The following ESYT2 variants were observed in gnomAD, a reference collection of about 807,000 sequenced individuals.
ESYT2 encodes the protein extended synaptotagmin 2.
Under a neutral mutation model 107.2 loss-of-function variants are expected in ESYT2, and 54 were observed. That is an observed-to-expected ratio of 0.50 (90% CI 0.40 to 0.63). The LOEUF (loss-of-function observed/expected upper bound fraction) is 0.63, where lower values mean the gene tolerates loss of function less well. ESYT2 is among the 30% of genes least tolerant of loss of function. ESYT2 has a pLI of 0.00. For missense variants in ESYT2, 1,020 were observed against 1,094.5 expected, an observed-to-expected ratio of 0.93 and a Z score of 0.96; for synonymous variants, 491 against 434.1, an observed-to-expected ratio of 1.13 and a Z score of -1.63.
chr7:158,757,877 T>G (rs1837823416), intron 13 of ESYT2, among the ~76,000 whole-genome samples: 1 of 152,210 alleles, frequency 6.6e-6, no homozygotes, highest in African/African-American at 2.4e-5. Flanking sequence ...CTGATACTAT[T>G]CTCTCTACCC....
At chr7:158,803,627 G>A (rs1839709932) in intron 1 of ESYT2, among the ~76,000 whole-genome samples, 2 of 152,340 alleles carry the variant, frequency 1.3e-5, no homozygotes, top group African/African-American at 2.4e-5. Context: ...AAGACTTGCA[G>A]AAAGTTAAAA....
intron 3 of ESYT2, among the ~76,000 whole-genome samples, chr7:158,794,465 G>A (rs138737903): frequency 2.0e-4 from 30 of 152,328 alleles, no homozygotes; most frequent in African/African-American, 7.0e-4. Flanking sequence ...CTGCACTCCT[G>A]ACTAGGCAAC....
chr7:158,768,871 T>G (rs1008558758), intron 7 of ESYT2, among the ~76,000 whole-genome samples: 1 of 152,214 alleles, frequency 6.6e-6, no homozygotes. Context: ...CATCTCTATT[T>G]AAACAAACAA....
In ESYT2 at chr7:158,734,233, C is replaced by T; in HGVS notation, c.2575G>A (p.Gly859Arg). The T allele has an allele frequency of 1.2e-6, 2 of 1,614,158 alleles. No individual in the cohort carries two copies. Among genetic ancestry groups the T allele is most frequent in the Non-Finnish European group, 1.7e-6 (2 of 1,180,036 alleles). Residue 859 changes from glycine to arginine, a missense_variant, in exon 23 of 23, where the codon GGG (glycine) becomes AGG (arginine). Gly to Arg is a moderately radical substitution (Grantham distance 125). Transcript: ENST00000275418. ...WTQWYDLTED[G>R]TRPQAMT Reference sequence around the variant, plus strand: ...TATGTCATCGCCTGAGGCCTCGTCCCATCTTCCGTGAGGTCATACCTGAGA... The same window carrying T: ...TATGTCATCGCCTGAGGCCTCGTCCTATCTTCCGTGAGGTCATACCTGAGA...
chr7:158,781,658 TG>T (rs1838821892), intron 6 of ESYT2, among the ~76,000 whole-genome samples: 2 of 146,772 alleles, frequency 1.4e-5, no homozygotes, highest in African/African-American at 5.1e-5. Context: ...AAAGAACAAG[TG>T]AGAACAAGTG....
At chr7:158,735,830 T>C (rs112224261) in intron 20 of ESYT2, among the ~76,000 whole-genome samples, 3,229 of 152,230 alleles carry the variant, frequency 0.021, 98 homozygotes, top group African/African-American at 0.069. Context: ...TGGCATCCCA[T>C]AGATGTCTGG....
At chr7:158,742,377 G>A (rs535416016) in intron 17 of ESYT2, among the ~76,000 whole-genome samples, 1 of 152,304 alleles carries the variant, frequency 6.6e-6, no homozygotes, top group Non-Finnish European at 1.5e-5. Flanking sequence ...CTCAGGCAAG[G>A]AGCCCCCCAT....
chr7:158,818,939 C>T (rs1840217705), intron 1 of ESYT2, among the ~76,000 whole-genome samples: 1 of 152,244 alleles, frequency 6.6e-6, no homozygotes, highest in Admixed American at 6.5e-5. Context: ...CTCGCACGGG[C>T]CCTGGCCACA....
chr7:158,784,112 C>T (rs1027928772), intron 6 of ESYT2, among the ~76,000 whole-genome samples: 2 of 152,178 alleles, frequency 1.3e-5, no homozygotes, highest in African/African-American at 4.8e-5. Context: ...CAGGATGGAC[C>T]AGGACAACAG....
chr7:158,781,508 T>G (rs1737417372), intron 6 of ESYT2, among the ~76,000 whole-genome samples: 1 of 149,996 alleles, frequency 6.7e-6, no homozygotes, highest in South Asian at 2.1e-4. Context: ...AGTGAACGTG[T>G]GAGAACAAAG....
intron 6 of ESYT2, among the ~76,000 whole-genome samples, chr7:158,774,057 A>T (rs1177107743): frequency 6.6e-6 from 1 of 152,230 alleles, no homozygotes; most frequent in Non-Finnish European, 1.5e-5. Flanking sequence ...CATTAAGTAG[A>T]TGTGGGTTGA....
chr7:158,815,249 G>A (rs1840119037), intron 1 of ESYT2, among the ~76,000 whole-genome samples: 1 of 152,172 alleles, frequency 6.6e-6, no homozygotes, highest in African/African-American at 2.4e-5. Flanking sequence ...TCTCTCCAGG[G>A]AGGTGCTGGC....
At position 158,737,066 on chromosome 7, in the gene ESYT2, T is replaced by C; in HGVS notation, c.2381A>G (p.Asn794Ser). 1.2e-6 allele frequency: 2 copies of C among 1,613,654 alleles called. No homozygotes were observed. Among genetic ancestry groups the C allele is most frequent in the Non-Finnish European group, 1.7e-6 (2 of 1,179,630 alleles). The change falls in exon 20 of 23, where the codon AAT (asparagine) becomes AGT (serine). Residue 794 changes from asparagine (N) to serine (S), a missense_variant. Transcript: ENST00000275418. ...RKTHVSKKTL[N>S]PVFDQSFDFS... ...ACCGTACCTTTGATCAAACACTGGA[T>C]TTAATGTTTTCTTTGACACGTGTGT...
intron 1 of ESYT2, among the ~76,000 whole-genome samples, chr7:158,827,046 C>T (rs1356549536): frequency 2.6e-5 from 4 of 151,028 alleles, no homozygotes; most frequent in Non-Finnish European, 4.4e-5. Flanking sequence ...GCCTGTAATC[C>T]CAGCTACTCG....
Position 158,764,837 on chromosome 7 carries a change from T to C in ESYT2, c.941A>G (p.His314Arg), listed in dbSNP as rs143694489. Reference protein sequence around the residue: ...FPVPKGVLRIHFIEAQDLQGK... With the variant: ...FPVPKGVLRIRFIEAQDLQGK... The stretch of plus-strand genomic sequence containing the variant: ...CTGAAGATCCTGAGCTTCAATAAAA[T>C]GTATCCTTAGAACACCCTGAAAAGA... The change falls in exon 9 of 23, where the codon CAT becomes CGT. Residue 314 changes from histidine to arginine, a missense_variant. His to Arg is a conservative substitution (Grantham distance 29). Transcript: ENST00000275418. The C allele has an allele frequency of 1.9e-6, 3 of 1,614,086 alleles. No homozygotes were observed. The Admixed American group carries it at 5.0e-5, about 27-fold the overall frequency.
At chr7:158,809,512 G>A (rs1277713851) in intron 1 of ESYT2, among the ~76,000 whole-genome samples, 1 of 149,800 alleles carries the variant, frequency 6.7e-6, no homozygotes, top group South Asian at 2.1e-4. Flanking sequence ...GGGGGATGAG[G>A]GGGGCAAAAG....
At chr7:158,772,790 G>C (rs4909271) in intron 7 of ESYT2, among the ~76,000 whole-genome samples, 9 of 151,488 alleles carry the variant, frequency 5.9e-5, no homozygotes, top group Admixed American at 2.6e-4. Context: ...CCAGTGAAAT[G>C]ATACGGAACT....
Position 158,829,124 on chromosome 7 carries a change from G to A in ESYT2, c.295C>T (p.Arg99Cys). 1.3e-6 allele frequency: 2 copies of A among 1,575,382 alleles called. No homozygotes were observed. The highest frequency in any genetic ancestry group is 2.3e-5 in the East Asian group (1 of 43,088). ...ALLEDEERVV[R>C]LGVRACDLPA... ...AGGTCGCAGGCGCGCACCCCCAGGCGCACGACGCGCTCCTCGTCTTCCAGC... is the reference window on the plus strand; with the variant it reads ...AGGTCGCAGGCGCGCACCCCCAGGCACACGACGCGCTCCTCGTCTTCCAGC... The change falls in exon 1 of 23, where the codon CGC (arginine) becomes TGC (cysteine). Residue 99 changes from arginine to cysteine, a missense_variant. Coordinates refer to ENST00000275418, the MANE Select transcript of ESYT2 (RefSeq NM_001367773.1).
chr7:158,806,163 C>T (rs990625928), intron 1 of ESYT2, among the ~76,000 whole-genome samples: 1 of 36,428 alleles, frequency 2.7e-5, no homozygotes, highest in African/African-American at 7.7e-5. Context: ...GAGGCGCTGG[C>T]GCACAATGCG....
Sources: gnomAD v4.1 joint callset for allele counts (sites outside exome capture counted in the v4.1 genomes callset) on GRCh38, gnomAD v4.1.1 for gene constraint, MANE v1.5 for transcripts, NCBI Gene and HGNC (gene_info 2026-07-23, HGNC 2026-07-21) for gene names.